Variants in APBB1IP observed in about 807,000 individuals in gnomAD.
APBB1IP encodes amyloid beta A4 precursor protein-binding family B member 1-interacting protein.
Under a neutral mutation model 64.9 loss-of-function variants are expected in APBB1IP, and 27 were observed. The observed-to-expected ratio is 0.42, with a 90% confidence interval of 0.31 to 0.57. The LOEUF (loss-of-function observed/expected upper bound fraction) is 0.57, where lower values mean the gene tolerates loss of function less well. Ranked by LOEUF, APBB1IP falls within the 20% of genes least tolerant of loss-of-function variation. The pLI is 0.20. For synonymous variants in APBB1IP, 392 were observed against 331.0 expected (o/e 1.18, Z -2.00); for missense variants, 812 against 845.5 (o/e 0.96, Z 0.49).
At chr10:26,553,493 A>C (rs1836857995) in intron 11 of APBB1IP, among the ~76,000 whole-genome samples, 1 of 152,084 alleles carries the variant, frequency 6.6e-6, no homozygotes, top group Non-Finnish European at 1.5e-5. Context: ...CTCTACAAAA[A>C]ATTTAAAAAC....
chr10:26,491,256 G>C (rs980729074), intron 2 of APBB1IP, among the ~76,000 whole-genome samples: 7 of 151,606 alleles, frequency 4.6e-5, no homozygotes, highest in Non-Finnish European at 8.8e-5. Flanking sequence ...CCAGCCTGGG[G>C]GACAGAGCAA....
At chr10:26,558,388 C>A (rs550164848) in intron 11 of APBB1IP, among the ~76,000 whole-genome samples, 1 of 152,084 alleles carries the variant, frequency 6.6e-6, no homozygotes, top group Non-Finnish European at 1.5e-5. Context: ...ACCTGCCATG[C>A]GCTGGCCATG....
At chr10:26,512,338 A>G (rs915260419) in intron 7 of APBB1IP, among the ~76,000 whole-genome samples, 30 of 152,252 alleles carry the variant, frequency 2.0e-4, no homozygotes, top group Non-Finnish European at 3.5e-4. Context: ...AAGATGCTGC[A>G]TGCTTAATAA....
At position 26,446,889 on chromosome 10, in the gene APBB1IP, GAA is replaced by G. The variant is rs1491190667; in HGVS notation, c.-1+8038_-1+8039del. Among the ~76,000 whole-genome samples the G allele has an allele frequency of 8.5e-3, 916 of 107,982 alleles. 9 individuals carry two copies. Among genetic ancestry groups the G allele is most frequent in the African/African-American group, 0.027 (856 of 31,336 alleles). The allele number at this position is 107,982 out of a possible 152,430, so 70.8% of individuals were successfully genotyped here. On this transcript the variant is annotated intron_variant, in intron 2 of 14. Transcript: ENST00000376236. ...AGATAGATAGAGAGAGAGATAGATAGAAATAGATAGATATGGTCCCTACCCTC... is the reference window on the plus strand; with the variant it reads ...AGATAGATAGAGAGAGAGATAGATAGATAGATAGATATGGTCCCTACCCTC...
chr10:26,526,503 G>A (rs1037607628), intron 8 of APBB1IP, among the ~76,000 whole-genome samples: 5 of 141,638 alleles, frequency 3.5e-5, no homozygotes, highest in South Asian at 4.4e-4. Flanking sequence ...GGCAGATCAC[G>A]AAGTCAGGAG....
At chr10:26,469,015 A>C (rs1404484769) in intron 2 of APBB1IP, among the ~76,000 whole-genome samples, 1 of 151,780 alleles carries the variant, frequency 6.6e-6, no homozygotes, top group Admixed American at 6.6e-5. Context: ...TACTCTAGGC[A>C]CTTCTAACAT....
chr10:26,560,666 C>A, intron 12 of APBB1IP, 64 bp from the exon 13 acceptor site: 1 of 1,149,276 alleles, frequency 8.7e-7, no homozygotes, highest in South Asian at 1.5e-5. Context: ...ATGTATATTG[C>A]AATTGAGTGC....
At chr10:26,550,863 C>T (rs777240364) in intron 11 of APBB1IP, among the ~76,000 whole-genome samples, 3 of 152,100 alleles carry the variant, frequency 2.0e-5, no homozygotes, top group East Asian at 1.9e-4. Context: ...TGTTTATGAC[C>T]GTTCTTTTTT....
At chr10:26,454,912 A>G (rs1835505363) in intron 2 of APBB1IP, among the ~76,000 whole-genome samples, 1 of 152,218 alleles carries the variant, frequency 6.6e-6, no homozygotes. Flanking sequence ...AAAGAGAGAC[A>G]ATAACAGGTA....
chr10:26,556,305 T>C (rs1295898897), intron 11 of APBB1IP, among the ~76,000 whole-genome samples: 1 of 152,234 alleles, frequency 6.6e-6, no homozygotes, highest in Admixed American at 6.5e-5. Flanking sequence ...ACAAGCCCAG[T>C]GACTTGCTCT....
chr10:26,523,773 A>G (rs1196168252), intron 8 of APBB1IP, among the ~76,000 whole-genome samples: 2 of 152,092 alleles, frequency 1.3e-5, no homozygotes, highest in African/African-American at 4.8e-5. Context: ...GTTCAACACC[A>G]GCCTGGAAAC....
intron 2 of APBB1IP, among the ~76,000 whole-genome samples, chr10:26,446,846 C>G (rs949338511): frequency 1.6e-5 from 2 of 125,238 alleles, no homozygotes; most frequent in Non-Finnish European, 3.5e-5. Context: ...GGTGACAGAG[C>G]AAAACCTGTA....
intron 6 of APBB1IP, among the ~76,000 whole-genome samples, chr10:26,506,440 A>G (rs1836180391): frequency 6.6e-6 from 1 of 151,952 alleles, no homozygotes; most frequent in South Asian, 2.1e-4. Flanking sequence ...TAGAGAAAGG[A>G]TCTGGCTATG....
intron 9 of APBB1IP, among the ~76,000 whole-genome samples, 181 bp from the exon 10 acceptor site, chr10:26,535,893 C>T (rs1296677188): frequency 2.6e-5 from 4 of 152,066 alleles, no homozygotes; most frequent in African/African-American, 9.7e-5. Flanking sequence ...GATTCTTGAT[C>T]GATGTGTTAT....
chr10:26,565,077 C>T lies in APBB1IP; in HGVS notation c.1474-1884C>T, dbSNP rs557285466. Among the ~76,000 whole-genome samples the T allele has an allele frequency of 5.9e-5, 9 of 152,286 alleles. No homozygotes were observed. In the East Asian group the frequency reaches 9.7e-4, roughly 16 times the overall value. ...CCAGGCAACATATCCTTTGTGCCTA[C>T]GTTTGCACAAAGCTTACCTGTAGCC... On this transcript the variant is annotated intron_variant, in intron 14 of 14. Coordinates refer to ENST00000376236, the MANE Select transcript of APBB1IP (RefSeq NM_019043.4).
chr10:26,476,841 C>G (rs1835782369), intron 2 of APBB1IP, among the ~76,000 whole-genome samples: 1 of 152,164 alleles, frequency 6.6e-6, no homozygotes, highest in African/African-American at 2.4e-5. Context: ...TGCTCTGTCA[C>G]CCAGGCTGGA....
intron 2 of APBB1IP, among the ~76,000 whole-genome samples, chr10:26,454,013 G>T (rs893686990): frequency 6.6e-6 from 1 of 152,166 alleles, no homozygotes; most frequent in African/African-American, 2.4e-5. Context: ...ATCCACAATG[G>T]AGTACTATTC....
chr10:26,442,690 T>C (rs1309454966), intron 2 of APBB1IP, among the ~76,000 whole-genome samples: 1 of 152,236 alleles, frequency 6.6e-6, no homozygotes, highest in Admixed American at 6.5e-5. Context: ...GATGTATATA[T>C]GTAAATAACA....
chr10:26,538,823 G>C (rs1444723508), intron 10 of APBB1IP, among the ~76,000 whole-genome samples: 2 of 151,970 alleles, frequency 1.3e-5, no homozygotes, highest in Non-Finnish European at 2.9e-5. Context: ...TTCCAAAATA[G>C]ACCTTCCCAA....
Sources: gnomAD v4.1 joint callset for allele counts (sites outside exome capture counted in the v4.1 genomes callset) on GRCh38, gnomAD v4.1.1 for gene constraint, MANE v1.5 for transcripts, NCBI Gene and HGNC (gene_info 2026-07-23, HGNC 2026-07-21) for gene names.